Variants in KIAA1671 observed in about 807,000 individuals in gnomAD.
KIAA1671 encodes uncharacterized protein KIAA1671.
A neutral mutation model predicts 131.2 loss-of-function variants in KIAA1671; 52 were observed. That is an observed-to-expected ratio of 0.40 (90% CI 0.32 to 0.50). The LOEUF is 0.50. KIAA1671 is among the 20% of genes least tolerant of loss of function. KIAA1671 has a pLI of 0.73. For synonymous variants in KIAA1671, 1,003 were observed against 961.6 expected, an observed-to-expected ratio of 1.04 and a Z score of -0.80; for missense variants, 2,360 against 2,364.2, an observed-to-expected ratio of 1.00 and a Z score of 0.04.
At position 25,154,757 on chromosome 22, in the gene KIAA1671, C is replaced by T. The variant is rs772066981; in HGVS notation, c.4531-16063C>T. Reference sequence around the variant, plus strand: ...TCCAGGCACCCCCTCAGCCCCACTGCGAGGTCCCCAACTCCAGAGGAAGAG... The same window carrying T: ...TCCAGGCACCCCCTCAGCCCCACTGTGAGGTCCCCAACTCCAGAGGAAGAG... On this transcript the variant is annotated intron_variant, in intron 6 of 12. Coordinates refer to ENST00000358431, the MANE Select transcript of KIAA1671 (RefSeq NM_001145206.2). 9.2e-5 allele frequency among the ~76,000 whole-genome samples: 14 copies of T among 152,330 alleles called. No homozygotes were observed. In the East Asian group the frequency reaches 2.3e-3, roughly 25 times the overall value.
chr22:25,115,696 A>G (rs758253838), intron 6 of KIAA1671, among the ~76,000 whole-genome samples: 2 of 152,222 alleles, frequency 1.3e-5, no homozygotes, highest in Non-Finnish European at 2.9e-5. Flanking sequence ...TACTGTGTGC[A>G]GGGCTCCATG....
intron 4 of KIAA1671, among the ~76,000 whole-genome samples, chr22:25,035,617 G>A (rs1261431670): frequency 6.6e-6 from 1 of 152,264 alleles, no homozygotes; most frequent in East Asian, 1.9e-4. Flanking sequence ...AAAATGGTTA[G>A]GAGTGATACC....
In KIAA1671 at chr22:25,039,106, G is replaced by T. The variant is rs1390050513; in HGVS notation, c.1976G>T (p.Gly659Val). The change falls in exon 5 of 13, where the codon GGC (glycine) becomes GTC (valine). Residue 659 changes from glycine to valine, a missense_variant. This residue lies in a region of KIAA1671 where 1,185 missense variants were observed against 1,126.2 expected (regional missense o/e 1.05). Coordinates refer to ENST00000358431, the MANE Select transcript of KIAA1671 (RefSeq NM_001145206.2). Reference protein sequence around the residue: ...RPRPEMGSWLGRDPPDMTKLK... With the variant: ...RPRPEMGSWLVRDPPDMTKLK... ...AGGCCTGAGATGGGCTCTTGGCTGG[G>T]CAGGGACCCACCAGACATGACAAAA... 15 of 1,551,384 alleles carry T rather than the reference G, an allele frequency of 9.7e-6. No homozygotes were observed. The highest frequency in any genetic ancestry group is 1.2e-5 in the Non-Finnish European group (14 of 1,147,014).
chr22:25,018,831 G>A (rs1254165180), intron 1 of KIAA1671, among the ~76,000 whole-genome samples: 2 of 152,146 alleles, frequency 1.3e-5, no homozygotes, highest in Non-Finnish European at 2.9e-5. Flanking sequence ...TTGTTTACAC[G>A]TTTTGGTTAT....
intron 1 of KIAA1671, among the ~76,000 whole-genome samples, chr22:24,976,172 T>C (rs1017734773): frequency 6.6e-6 from 1 of 152,272 alleles, no homozygotes; most frequent in East Asian, 1.9e-4. Context: ...CACATCCCCC[T>C]GGGAAGGATT....
chr22:25,125,883 TGGAATA>T (rs1181944228), intron 6 of KIAA1671, among the ~76,000 whole-genome samples: 9 of 152,242 alleles, frequency 5.9e-5, no homozygotes, highest in Non-Finnish European at 1.3e-4. Context: ...AGTAGGCCTT[TGGAATA>T]CCCTTTTAGG....
chr22:24,991,984 C>T (rs1313299989), intron 1 of KIAA1671, among the ~76,000 whole-genome samples: 2 of 152,086 alleles, frequency 1.3e-5, no homozygotes, highest in Non-Finnish European at 2.9e-5. Context: ...CTCTTCCCAT[C>T]CCCTCCTTGG....
intron 6 of KIAA1671, among the ~76,000 whole-genome samples, chr22:25,107,785 C>T (rs1005610930): frequency 2.6e-5 from 4 of 151,962 alleles, no homozygotes; most frequent in Admixed American, 1.3e-4. Flanking sequence ...CCGAGGTGGG[C>T]GGATCACTGG....
rs189143139 is a variant in KIAA1671, at chr22:24,967,434, C to T, written c.-208+14662C>T. 1.6e-3 allele frequency among the ~76,000 whole-genome samples: 247 copies of T among 152,350 alleles called. 1 individual carries two copies. The highest frequency in any genetic ancestry group is 9.4e-4 in the Non-Finnish European group (64 of 68,040). ...GCTCTGACTCCATCAGAAATACCTT[C>T]TCTCCCATCGGAAGTTCCAGTGCTG... On this transcript the variant is annotated intron_variant, in intron 1 of 12. Transcript: ENST00000358431.
intron 11 of KIAA1671, among the ~76,000 whole-genome samples, 192 bp from the exon 12 acceptor site, chr22:25,190,510 A>G (rs1934636607): frequency 6.6e-6 from 1 of 152,152 alleles, no homozygotes; most frequent in African/African-American, 2.4e-5. Flanking sequence ...AATATTCCCC[A>G]TTGTTGGACA....
At chr22:25,135,590 TTGAAGTCAGACA>T (rs1218608586) in intron 6 of KIAA1671, among the ~76,000 whole-genome samples, 1 of 152,232 alleles carries the variant, frequency 6.6e-6, no homozygotes. Context: ...GTCTAAAGAA[TTGAAGTCAGACA>T]TGTGACTAAT....
intron 6 of KIAA1671, among the ~76,000 whole-genome samples, chr22:25,154,860 TGA>T (rs1933175611): frequency 6.6e-6 from 1 of 152,204 alleles, no homozygotes; most frequent in Non-Finnish European, 1.5e-5. Context: ...GCAGGGCAGA[TGA>T]GAGGGGGCTG....
intron 6 of KIAA1671, among the ~76,000 whole-genome samples, chr22:25,166,063 G>A (rs761943005): frequency 4.6e-5 from 7 of 152,250 alleles, no homozygotes; most frequent in Non-Finnish European, 1.0e-4. Context: ...GTTTTGGAAA[G>A]TAGAATGAGA....
intron 10 of KIAA1671, 74 bp downstream of exon 10, chr22:25,181,897 G>T: frequency 6.7e-7 from 1 of 1,495,676 alleles, no homozygotes; most frequent in Non-Finnish European, 9.0e-7. Flanking sequence ...ATAGATTCCG[G>T]CTGGGTGCAG....
chr22:25,154,478 C>T (rs975267325), intron 6 of KIAA1671, among the ~76,000 whole-genome samples: 1 of 152,224 alleles, frequency 6.6e-6, no homozygotes, highest in African/African-American at 2.4e-5. Flanking sequence ...GGGTGTTTTC[C>T]AGGGCCTCTG....
intron 6 of KIAA1671, among the ~76,000 whole-genome samples, chr22:25,141,025 A>G (rs555645017): frequency 6.6e-6 from 1 of 152,282 alleles, no homozygotes; most frequent in Non-Finnish European, 1.5e-5. Context: ...TGGCCCTCAT[A>G]AGACTGTAAA....
At chr22:25,169,619 GGAATGGGCTTTTAATTTGC>G (rs1933772725) in intron 6 of KIAA1671, among the ~76,000 whole-genome samples, 3 of 152,156 alleles carry the variant, frequency 2.0e-5, no homozygotes, top group African/African-American at 7.2e-5. Context: ...CACATCACAG[GGAATGGGCTTTTAATTTGC>G]GAAGCAGACA....
chr22:25,164,276 C>T (rs191548217), intron 6 of KIAA1671, among the ~76,000 whole-genome samples: 81 of 152,288 alleles, frequency 5.3e-4, no homozygotes, highest in African/African-American at 1.9e-3. Context: ...TTCCAGTCTC[C>T]CCAGCTCCGC....
intron 1 of KIAA1671, among the ~76,000 whole-genome samples, chr22:24,977,035 G>A (rs930339892): frequency 1.3e-5 from 2 of 152,160 alleles, no homozygotes; most frequent in African/African-American, 4.8e-5. Flanking sequence ...CAATGGGAAC[G>A]ATATTAATAG....
Sources: allele counts gnomAD v4.1 joint callset (sites outside exome capture counted in the v4.1 genomes callset), GRCh38; gene constraint gnomAD v4.1.1; regional missense constraint gnomAD v4.1.1; transcripts MANE v1.5; gene names NCBI Gene and HGNC (gene_info 2026-07-23, HGNC 2026-07-21).